Variants in ARGFX observed in about 807,000 individuals in gnomAD.
The protein encoded by ARGFX is arginine-fifty homeobox.
In ARGFX, 10 loss-of-function variants were observed where a neutral mutation model predicts 8.0. The ratio of observed to expected loss-of-function variants is 1.25; its 90% CI spans 0.77 to 2.12. ARGFX has a LOEUF of 2.12. ARGFX is among the 30% of genes most tolerant of loss of function. The probability of loss-of-function intolerance (pLI) is 0.00; values close to 1 mark genes in which losing one functional copy is unlikely to be tolerated. For synonymous variants in ARGFX, 116 were observed against 117.8 expected, an observed-to-expected ratio of 0.98 and a Z score of 0.10; for missense variants, 282 against 324.3, an observed-to-expected ratio of 0.87 and a Z score of 1.00.
intron 3 of ARGFX, among the ~76,000 whole-genome samples, chr3:121,583,887 A>C (rs1329626359): frequency 6.6e-6 from 1 of 152,066 alleles, no homozygotes; most frequent in Non-Finnish European, 1.5e-5. Flanking sequence ...ATAAAAGAAA[A>C]AGCTCTACCA....
At chr3:121,569,259 A>C (rs1233049822) in intron 1 of ARGFX, among the ~76,000 whole-genome samples, 1 of 152,162 alleles carries the variant, frequency 6.6e-6, no homozygotes, top group Non-Finnish European at 1.5e-5. Flanking sequence ...TGCTAGAAAA[A>C]GGAGTATTCT....
chr3:121,570,092 T>C (rs529880208), intron 1 of ARGFX, among the ~76,000 whole-genome samples: 41 of 152,396 alleles, frequency 2.7e-4, no homozygotes, highest in African/African-American at 8.9e-4. Flanking sequence ...CTATTATATG[T>C]AAGCAGATAT....
rs1385957719 is a variant in ARGFX at position 121,586,545 on chromosome 3, CAGAT to C, written c.896_899del (p.Asp299AlafsTer11). ...CAAGCCTTTGAAGCCTACAGTCTAA[CAGAT>C]AGCCTGGAATTCCAGAAAACCTCCA... On this transcript the variant is annotated frameshift_variant, in exon 5 of 5. Transcript: ENST00000334384. LOFTEE classifies it low-confidence loss of function (END_TRUNC). 6.2e-7 allele frequency: 1 copy of C among 1,614,030 alleles called. No individual in the cohort carries two copies. The highest frequency in any genetic ancestry group is 1.3e-5 in the African/African-American group (1 of 74,930).
At position 121,584,796 on chromosome 3, in the gene ARGFX, G is replaced by A. The variant is rs111299387; in HGVS notation, c.221-121G>A. On this transcript the variant is annotated intron_variant, in intron 3 of 4. Transcript: ENST00000334384. ...CTGCATTTTCTGGATCCTAAGCCTG[G>A]TTGGAGGAAAGGCATGAGAGATTCA... is the stretch of plus-strand genomic sequence containing the variant. 3 of 1,188,816 alleles carry A rather than the reference G, an allele frequency of 2.5e-6. No homozygotes were observed. The African/African-American group carries it at 4.6e-5, about 18-fold the overall frequency. 73.6% of individuals were successfully genotyped at this position (1,188,816 alleles called of 1,614,324 possible). A position where few individuals can be genotyped will look rare whatever the true frequency, so the allele number is the denominator to read the frequency against.
chr3:121,588,435 A>G lies in ARGFX; in HGVS notation c.*1835A>G, dbSNP rs1205045459. ...GGAGGTTGCAGTGAGCTGAGGTCGC[A>G]CCACTGCACTCCAGCCTGGACAACA... is the stretch of plus-strand genomic sequence containing the variant. On this transcript the variant is annotated 3_prime_UTR_variant, in exon 5 of 5. Coordinates refer to ENST00000334384, the MANE Select transcript of ARGFX (RefSeq NM_001012659.2). 6.6e-6 allele frequency among the ~76,000 whole-genome samples: 1 copy of G among 150,960 alleles called. No homozygotes were observed. The highest frequency in any genetic ancestry group is 2.4e-5 in the African/African-American group (1 of 41,134).
intron 4 of ARGFX, 69 bp from the exon 5 acceptor site, chr3:121,585,953 A>G (rs2048809919): frequency 1.4e-6 from 2 of 1,430,712 alleles, no homozygotes; most frequent in South Asian, 2.8e-5. Context: ...GGCTGTTTTC[A>G]CTCAGGAGAA....
chr3:121,580,293 C>T (rs1189547025), intron 3 of ARGFX, among the ~76,000 whole-genome samples: 1 of 151,838 alleles, frequency 6.6e-6, no homozygotes, highest in East Asian at 1.9e-4. Context: ...CAGGCATGCA[C>T]CACCATGCCC....
chr3:121,576,328 A>AAAC (rs1435170670), intron 2 of ARGFX, among the ~76,000 whole-genome samples: 2 of 152,052 alleles, frequency 1.3e-5, no homozygotes, highest in African/African-American at 4.8e-5. Flanking sequence ...GTCTATTTCC[A>AAAC]AACTCAATTT....
At position 121,580,604 on chromosome 3, in the gene ARGFX, A is replaced by ATTTTT. The variant is rs1414827075; in HGVS notation, c.220+3705_220+3706insTTTTT. Among the ~76,000 whole-genome samples the ATTTTT allele has an allele frequency of 5.7e-3, 544 of 96,232 alleles. 8 individuals are homozygous for ATTTTT. The highest frequency in any genetic ancestry group is 8.1e-3 in the African/African-American group (217 of 26,698). The allele number at this position is 96,232 out of a possible 152,430, so 63.1% of individuals were successfully genotyped here. A position where few individuals can be genotyped will look rare whatever the true frequency, so the allele number is the denominator to read the frequency against. Reference sequence around the variant, plus strand: ...TGTGTGTGTGTGTGTGTATATATATATATTTTTTTTTTTTTTTTGAGATGA... The same window carrying ATTTTT: ...TGTGTGTGTGTGTGTGTATATATATATTTTTTATTTTTTTTTTTTTTTTGAGATGA... On this transcript the variant is annotated intron_variant, in intron 3 of 4. Transcript: ENST00000334384.
chr3:121,584,848 G>T lies in ARGFX; in HGVS notation c.221-69G>T. On this transcript the variant is annotated intron_variant, in intron 3 of 4. Transcript: ENST00000334384. ...CATGGTGATTTGTTTTTTGGTTTTT[G>T]TTTTTTTGGTTGGGGGGAGAGATTG... 6.5e-7 allele frequency: 1 copy of T among 1,542,130 alleles called. No individual in the cohort carries two copies. Among genetic ancestry groups the T allele is most frequent in the Non-Finnish European group, 8.8e-7 (1 of 1,142,466 alleles).
At chr3:121,577,224 T>TAC (rs1289941367) in intron 3 of ARGFX, among the ~76,000 whole-genome samples, 140 of 86,930 alleles carry the variant, frequency 1.6e-3, no homozygotes, top group African/African-American at 6.7e-3. Context: ...TATCTACATG[T>TAC]ACATATATAT....
intron 1 of ARGFX, among the ~76,000 whole-genome samples, chr3:121,569,427 A>G (rs1290068784): frequency 6.8e-6 from 1 of 146,758 alleles, no homozygotes; most frequent in Admixed American, 7.0e-5. Context: ...GTGCAGTGAC[A>G]TGATCTCAGC....
rs2048819405 is a variant in ARGFX at position 121,587,473 on chromosome 3, C to T, written c.*873C>T. The stretch of plus-strand genomic sequence containing the variant: ...AAAGTGCTAGGAATACAGGAGTGCA[C>T]CATCGCACCCGGCTGGGTTATCTAG... On this transcript the variant is annotated 3_prime_UTR_variant, in exon 5 of 5. Transcript: ENST00000334384. Among the ~76,000 whole-genome samples the T allele has an allele frequency of 6.6e-6, 1 of 152,050 alleles. No homozygotes were observed. Among genetic ancestry groups the T allele is most frequent in the Admixed American group, 6.6e-5 (1 of 15,252 alleles).
At chr3:121,577,260 T>TATA (rs1491494549) in intron 3 of ARGFX, among the ~76,000 whole-genome samples, 79 of 30,844 alleles carry the variant, frequency 2.6e-3, no homozygotes, top group East Asian at 0.02. Flanking sequence ...TATATATATA[T>TATA]TTTTTTTTTT....
At chr3:121,573,848 CAAAAAAAAAAAAA>C (rs35593006) in intron 2 of ARGFX, among the ~76,000 whole-genome samples, 1 of 59,036 alleles carries the variant, frequency 1.7e-5, no homozygotes, top group African/African-American at 7.0e-5. Context: ...AACTCCATCT[CAAAAAAAAAAAAA>C]AAAAAAAAAA....
chr3:121,573,176 A>T (rs1398232446), intron 2 of ARGFX, among the ~76,000 whole-genome samples: 2 of 152,130 alleles, frequency 1.3e-5, no homozygotes, highest in African/African-American at 4.8e-5. Context: ...TGATCAAAGG[A>T]CACAATCAAA....
chr3:121,586,569 C>T lies in ARGFX; in HGVS notation c.917C>T (p.Thr306Ile), dbSNP rs576722757. 6.3e-5 allele frequency: 101 copies of T among 1,613,886 alleles called. 1 individual carries two copies. In the South Asian group the frequency reaches 1.0e-3, roughly 16 times the overall value. ...SLTDSLEFQK[T>I]SNMVDLGFL ...ACAGATAGCCTGGAATTCCAGAAAA[C>T]CTCCAATATGGTAGACTTGGGATTT... The change falls in exon 5 of 5, where the codon ACC (threonine) becomes ATC (isoleucine). Residue 306 changes from threonine (T) to isoleucine (I), a missense_variant. Coordinates refer to ENST00000334384, the MANE Select transcript of ARGFX (RefSeq NM_001012659.2).
chr3:121,583,861 G>A (rs2048795048), intron 3 of ARGFX, among the ~76,000 whole-genome samples: 3 of 151,968 alleles, frequency 2.0e-5, no homozygotes, highest in South Asian at 2.1e-4. Context: ...GTAGTGAATA[G>A]AGCCTCAGAA....
intron 3 of ARGFX, among the ~76,000 whole-genome samples, chr3:121,580,827 C>A (rs778470132): frequency 6.6e-6 from 1 of 151,492 alleles, no homozygotes; most frequent in Non-Finnish European, 1.5e-5. Flanking sequence ...TGAATAAATA[C>A]AGAAGCAAGC....
Sources: allele counts gnomAD v4.1 joint callset (sites outside exome capture counted in the v4.1 genomes callset), GRCh38; gene constraint gnomAD v4.1.1; transcripts MANE v1.5; gene names NCBI Gene and HGNC (gene_info 2026-07-23, HGNC 2026-07-21).